PHF24: variants seen among roughly 807,000 people sequenced by gnomAD.
PHF24 encodes the protein PHD finger protein 24, also known as Galpha inhibitory interacting protein.
PHF24 carries 25 observed loss-of-function variants against 42.6 expected under a neutral mutation model. That is an observed-to-expected ratio of 0.59 (90% CI 0.43 to 0.82). PHF24 has a LOEUF of 0.82. Ranked by LOEUF, PHF24 falls within the 40% of genes least tolerant of loss-of-function variation. The pLI, the probability that PHF24 is intolerant of heterozygous loss-of-function variation, is 0.00. For missense variants in PHF24, 470 were observed against 538.1 expected, an observed-to-expected ratio of 0.87 and a Z score of 1.25; for synonymous variants, 185 against 204.8, an observed-to-expected ratio of 0.90 and a Z score of 0.83.
At chr9:34,792,173 T>C in the PHF24 span, among the ~76,000 whole-genome samples, 1 of 152,202 alleles carries the variant, frequency 6.6e-6, no homozygotes, top group Non-Finnish European at 1.5e-5. Context: ...CAAGACGAAG[T>C]GCTTCCCTGT....
the PHF24 span, among the ~76,000 whole-genome samples, chr9:34,759,756 C>T: frequency 6.6e-6 from 1 of 152,176 alleles, no homozygotes; most frequent in Non-Finnish European, 1.5e-5. Context: ...CACAGATAAC[C>T]TACAGCCACT....
At chr9:34,867,688 G>T in the PHF24 span, among the ~76,000 whole-genome samples, 1 of 152,202 alleles carries the variant, frequency 6.6e-6, no homozygotes, top group Admixed American at 6.5e-5. Flanking sequence ...GTGAGCTCAG[G>T]ATTTGTGCCA....
the PHF24 span, among the ~76,000 whole-genome samples, chr9:34,936,412 C>T: frequency 6.6e-6 from 1 of 152,208 alleles, no homozygotes; most frequent in Non-Finnish European, 1.5e-5. Context: ...GTGATCTCGG[C>T]TCGCTACAAC....
the PHF24 span, chr9:34,922,614 T>C: frequency 1.0e-6 from 1 of 1,001,432 alleles, no homozygotes; most frequent in East Asian, 2.4e-5. Context: ...ATCAAGAACT[T>C]TTCCAAAAGG....
At chr9:34,875,601 G>C in the PHF24 span, among the ~76,000 whole-genome samples, 1 of 152,066 alleles carries the variant, frequency 6.6e-6, no homozygotes, top group Non-Finnish European at 1.5e-5. Context: ...ATGGGTCACA[G>C]TCACTACATA....
chr9:34,958,219 G>C (rs549788888), upstream of PHF24: 1 of 144,838 alleles, frequency 6.9e-6, no homozygotes, highest in African/African-American at 2.7e-5. This position sits in a 1 kb window ranked among gnomAD's most constrained non-coding sequence, Gnocchi z 4.5. Flanking sequence ...GTGTGCTCCG[G>C]CCGCGCGCGC....
chr9:34,878,933 G>A, the PHF24 span, among the ~76,000 whole-genome samples: 1 of 151,962 alleles, frequency 6.6e-6, no homozygotes, highest in Non-Finnish European at 1.5e-5. Flanking sequence ...GGTCCCCCCA[G>A]TAGCCTAACT....
the PHF24 span, among the ~76,000 whole-genome samples, chr9:34,821,523 T>C: frequency 6.6e-6 from 1 of 152,188 alleles, no homozygotes; most frequent in African/African-American, 2.4e-5. Flanking sequence ...TTGTAGTATA[T>C]GTACGTCTCC....
the PHF24 span, among the ~76,000 whole-genome samples, chr9:34,732,756 A>C: frequency 6.6e-6 from 1 of 152,204 alleles, no homozygotes; most frequent in African/African-American, 2.4e-5. Flanking sequence ...GAATTAATTT[A>C]GCATGGGAAG....
At chr9:34,668,231 T>C in the PHF24 span, among the ~76,000 whole-genome samples, 1 of 152,128 alleles carries the variant, frequency 6.6e-6, no homozygotes, top group Non-Finnish European at 1.5e-5. Context: ...TGCTCTCTAC[T>C]CCACCCACAT....
chr9:34,866,721 G>A, the PHF24 span, among the ~76,000 whole-genome samples: 1 of 152,154 alleles, frequency 6.6e-6, no homozygotes, highest in African/African-American at 2.4e-5. Flanking sequence ...TATTTTCCAG[G>A]GACTTGCTAT....
At chr9:34,798,686 G>A in the PHF24 span, among the ~76,000 whole-genome samples, 1 of 152,164 alleles carries the variant, frequency 6.6e-6, no homozygotes, top group African/African-American at 2.4e-5. Flanking sequence ...GCAAGTGCAG[G>A]TGTCTTTTTG....
the PHF24 span, among the ~76,000 whole-genome samples, chr9:34,939,564 A>C: frequency 6.6e-6 from 1 of 152,112 alleles, no homozygotes; most frequent in African/African-American, 2.4e-5. Flanking sequence ...GAGGAGTCCT[A>C]TGTTTCATAA....
chr9:34,795,966 C>A, the PHF24 span, among the ~76,000 whole-genome samples: 1 of 151,002 alleles, frequency 6.6e-6, no homozygotes, highest in Non-Finnish European at 1.5e-5. Flanking sequence ...CATGTCACTG[C>A]ATTCCAGGCT....
chr9:34,939,616 G>A, the PHF24 span, among the ~76,000 whole-genome samples: 4 of 152,208 alleles, frequency 2.6e-5, no homozygotes, highest in African/African-American at 2.4e-5. Flanking sequence ...GCCATCACTG[G>A]CTGGAAGCAG....
the PHF24 span, among the ~76,000 whole-genome samples, chr9:34,938,437 G>A: frequency 5.9e-5 from 9 of 152,298 alleles, no homozygotes; most frequent in South Asian, 2.1e-4. Context: ...AAGCCTTTCC[G>A]GGAGAGTAAG....
chr9:34,844,227 T>C, the PHF24 span, among the ~76,000 whole-genome samples: 1 of 152,150 alleles, frequency 6.6e-6, no homozygotes, highest in African/African-American at 2.4e-5. Flanking sequence ...TTTGTTTCTT[T>C]TCAAATAACC....
the PHF24 span, among the ~76,000 whole-genome samples, chr9:34,784,604 C>T: frequency 8.5e-5 from 13 of 152,306 alleles, no homozygotes; most frequent in Non-Finnish European, 1.6e-4. Context: ...CAGTATTATA[C>T]ACAGCTATTT....
the PHF24 span, among the ~76,000 whole-genome samples, chr9:34,686,269 C>T: frequency 3.9e-5 from 6 of 152,084 alleles, no homozygotes; most frequent in South Asian, 2.1e-4. Flanking sequence ...CTGAGTTTCC[C>T]GTAGCCTAGA....
Sources: gnomAD v4.1 joint callset for allele counts (sites outside exome capture counted in the v4.1 genomes callset) on GRCh38, gnomAD v4.1.1 for gene constraint, Gnocchi (gnomAD v3.1) non-coding constraint, MANE v1.5 for transcripts, NCBI Gene and HGNC (gene_info 2026-07-23, HGNC 2026-07-21) for gene names.